Variants in MED27 observed in about 807,000 individuals in gnomAD.
MED27 encodes mediator complex subunit 27.
A neutral mutation model predicts 38.2 loss-of-function variants in MED27; 30 were observed. The observed-to-expected ratio is 0.79, with a 90% CI of 0.59 to 1.07. The LOEUF is 1.07. Ranked by LOEUF, MED27 falls within the 50% of genes least tolerant of loss-of-function variation. The probability of loss-of-function intolerance (pLI) is 0.00; values close to 1 mark genes in which losing one functional copy is unlikely to be tolerated. For missense variants in MED27, 289 were observed against 397.5 expected (o/e 0.73, Z 2.32); for synonymous variants, 122 against 153.5 (o/e 0.79, Z 1.52).
intron 2 of MED27, among the ~76,000 whole-genome samples, chr9:132,022,949 G>A (rs4360407): frequency 6.6e-6 from 1 of 152,072 alleles, no homozygotes. Context: ...TCAACACCTG[G>A]GGATTACAAT....
chr9:132,077,648 G>GCC, intron 1 of MED27, 62 bp from the exon 2 acceptor site: 1 of 1,568,818 alleles, frequency 6.4e-7, no homozygotes. Context: ...GGTAAAGCCA[G>GCC]CCCCCAGGAT....
rs1830323058 is a variant in MED27, at chr9:131,917,912, T to C, written c.573+21469A>G. 6.6e-6 allele frequency among the ~76,000 whole-genome samples: 1 copy of C among 152,238 alleles called. No individual in the cohort carries two copies. The highest frequency in any genetic ancestry group is 6.5e-5 in the Admixed American group (1 of 15,284). On this transcript the variant is annotated intron_variant, in intron 4 of 7. Coordinates refer to ENST00000292035, the MANE Select transcript of MED27 (RefSeq NM_004269.4). This position sits in a 1 kb window ranked among gnomAD's most constrained non-coding sequence, Gnocchi z 4.6. ...AAAAATAAAGGTAGTGGTAGTACTA[T>C]GCATTCACTCAACCCACTTTTCTAA...
intron 3 of MED27, among the ~76,000 whole-genome samples, chr9:131,941,316 T>C (rs1034657615): frequency 2.0e-5 from 3 of 152,276 alleles, no homozygotes; most frequent in African/African-American, 7.2e-5. Flanking sequence ...AGAGGGAGAT[T>C]AGTTCTCGGT....
chr9:132,025,580 A>T (rs1832800704), intron 2 of MED27, among the ~76,000 whole-genome samples: 1 of 152,246 alleles, frequency 6.6e-6, no homozygotes, highest in Non-Finnish European at 1.5e-5. Context: ...AACCATCTGG[A>T]TATACAACAG....
At chr9:132,028,695 G>A (rs921765315) in intron 2 of MED27, among the ~76,000 whole-genome samples, 3 of 152,164 alleles carry the variant, frequency 2.0e-5, no homozygotes, top group Admixed American at 6.5e-5. Context: ...GAACAGGGGA[G>A]TGGTATAATC....
chr9:131,970,378 G>C (rs887135370), intron 3 of MED27, among the ~76,000 whole-genome samples: 1 of 152,236 alleles, frequency 6.6e-6, no homozygotes, highest in African/African-American at 2.4e-5. Context: ...CAGGTACCCA[G>C]TACCTTCGTC....
chr9:131,860,388 G>T lies in MED27; in HGVS notation c.*150C>A. 1 of 865,630 alleles carries T rather than the reference G, an allele frequency of 1.2e-6. No individual in the cohort carries two copies. Among genetic ancestry groups the T allele is most frequent in the Non-Finnish European group, 1.7e-6 (1 of 600,708 alleles). The allele number at this position is 865,630 out of a possible 1,614,324, so 53.6% of individuals were successfully genotyped here. A position where few individuals can be genotyped will look rare whatever the true frequency, so the allele number is the denominator to read the frequency against. ...GCCACAGAGGGAGTCTGCTCTTCAAGAGTGGCCTCTGCACACATGGCGCTG... is the reference window on the plus strand; with the variant it reads ...GCCACAGAGGGAGTCTGCTCTTCAATAGTGGCCTCTGCACACATGGCGCTG... On this transcript the variant is annotated 3_prime_UTR_variant, in exon 8 of 8. Coordinates refer to ENST00000292035, the MANE Select transcript of MED27 (RefSeq NM_004269.4). The surrounding 1 kb of genome is among the most constrained non-coding windows in gnomAD (Gnocchi z 5.8).
rs553350986 is a variant in MED27 at position 131,997,044 on chromosome 9, G to T, written c.479+17293C>A. ...ATGGTGGGGGATGGGTACCCCTAAC[G>T]CTGTGTTAAGGGTCAACTGTAGTTT... is the stretch of plus-strand genomic sequence containing the variant. On this transcript the variant is annotated intron_variant, in intron 3 of 7. Transcript: ENST00000292035. The surrounding 1 kb of genome is among the most constrained non-coding windows in gnomAD (Gnocchi z 4.0). Among the ~76,000 whole-genome samples the T allele has an allele frequency of 6.6e-6, 1 of 152,200 alleles. No homozygotes were observed. Among genetic ancestry groups the T allele is most frequent in the South Asian group, 2.1e-4 (1 of 4,818 alleles).
intron 6 of MED27, chr9:131,869,207 C>G (rs1346735494): frequency 2.0e-6 from 2 of 985,322 alleles, no homozygotes; most frequent in Non-Finnish European, 2.4e-6. Flanking sequence ...CTGTCCTCCC[C>G]AAGTCCTCCA....
At chr9:132,066,449 T>C (rs993914048) in intron 2 of MED27, among the ~76,000 whole-genome samples, 1 of 152,024 alleles carries the variant, frequency 6.6e-6, no homozygotes, top group Non-Finnish European at 1.5e-5. Context: ...TTTGGCAACG[T>C]GATAAAAAGA....
chr9:131,897,977 G>A (rs963523349), intron 4 of MED27, among the ~76,000 whole-genome samples: 24 of 152,110 alleles, frequency 1.6e-4, no homozygotes, highest in Non-Finnish European at 3.1e-4. Flanking sequence ...AAGAAACTGG[G>A]TTATCTCCTA....
intron 3 of MED27, among the ~76,000 whole-genome samples, chr9:131,986,342 C>A (rs553848664): frequency 6.6e-6 from 1 of 152,032 alleles, no homozygotes; most frequent in Non-Finnish European, 1.5e-5. Context: ...CATTTTTTAT[C>A]TTTCTTTTTG....
chr9:131,877,304 G>A (rs1450601384), intron 6 of MED27, among the ~76,000 whole-genome samples: 3 of 152,172 alleles, frequency 2.0e-5, no homozygotes, highest in Admixed American at 6.5e-5. Context: ...AGTGGCTCAC[G>A]TCTGTAATCC....
rs35317329 is a variant in MED27, at chr9:131,937,829, CTT to C, written c.573+1550_573+1551del. Among the ~76,000 whole-genome samples, 64 of 145,394 alleles carry C rather than the reference CTT, an allele frequency of 4.4e-4. 1 individual carries two copies. The highest frequency in any genetic ancestry group is 4.8e-4 in the Non-Finnish European group (32 of 66,120). On this transcript the variant is annotated intron_variant, in intron 4 of 7. Coordinates refer to ENST00000292035, the MANE Select transcript of MED27 (RefSeq NM_004269.4). ...AATTTGTACATTTAACTGAGGCAGA[CTT>C]TTTTTTTTTTTTGAGACAGAGTCTC...
At chr9:132,002,622 T>C (rs908284505) in intron 3 of MED27, among the ~76,000 whole-genome samples, 41 of 152,194 alleles carry the variant, frequency 2.7e-4, no homozygotes, top group African/African-American at 9.9e-4. Flanking sequence ...CAAGAAACCA[T>C]CAAAATTGGC....
At chr9:132,056,584 G>A (rs992232278) in intron 2 of MED27, among the ~76,000 whole-genome samples, 1 of 152,182 alleles carries the variant, frequency 6.6e-6, no homozygotes, top group African/African-American at 2.4e-5. Context: ...CAACTGGTAA[G>A]TGTAATGCAA....
chr9:131,976,950 C>T (rs1436128276), intron 3 of MED27, among the ~76,000 whole-genome samples: 1 of 152,206 alleles, frequency 6.6e-6, no homozygotes, highest in African/African-American at 2.4e-5. Flanking sequence ...ACGGTTATTT[C>T]AAGATTCTAC....
chr9:132,014,954 T>C (rs1022205933), intron 2 of MED27, among the ~76,000 whole-genome samples: 1 of 152,236 alleles, frequency 6.6e-6, no homozygotes, highest in Non-Finnish European at 1.5e-5. Context: ...ACGTAATTTT[T>C]TAATAAGAAA....
At chr9:131,892,502 A>AGGTTACCGTG in intron 5 of MED27, among the ~76,000 whole-genome samples, 1 of 152,190 alleles carries the variant, frequency 6.6e-6, no homozygotes, top group East Asian at 1.9e-4. Context: ...TGGTAACTCT[A>AGGTTACCGTG]GTAGCACGGT....
Sources: allele counts gnomAD v4.1 joint callset (sites outside exome capture counted in the v4.1 genomes callset), GRCh38; gene constraint gnomAD v4.1.1; non-coding constraint Gnocchi (gnomAD v3.1); transcripts MANE v1.5; gene names NCBI Gene and HGNC (gene_info 2026-07-23, HGNC 2026-07-21).